The following TRIM26 variants were observed in gnomAD, a reference collection of about 807,000 sequenced individuals.
TRIM26 encodes tripartite motif containing 26.
In TRIM26, 16 loss-of-function variants were observed where a neutral mutation model predicts 45.5. The ratio of observed to expected loss-of-function variants is 0.35; its 90% CI spans 0.24 to 0.53. The LOEUF (loss-of-function observed/expected upper bound fraction) is 0.53. TRIM26 is among the 20% of genes least tolerant of loss of function. TRIM26 has a pLI of 0.92. For synonymous variants in TRIM26, 273 were observed against 290.4 expected, an observed-to-expected ratio of 0.94 and a Z score of 0.61; for missense variants, 442 against 691.1, an observed-to-expected ratio of 0.64 and a Z score of 4.04.
intron 2 of TRIM26, among the ~76,000 whole-genome samples, chr6:30,203,625 C>T (rs112971677): frequency 0.014 from 2,199 of 152,068 alleles, 49 homozygotes; most frequent in African/African-American, 0.049. Flanking sequence ...CCAGGTTGGC[C>T]AGGCTGGTCT....
rs142350955 is a variant in TRIM26 at position 30,206,405 on chromosome 6, G to T, written c.-375-1640C>A. Among the ~76,000 whole-genome samples the T allele has an allele frequency of 2.3e-3, 352 of 152,354 alleles. 2 individuals are homozygous for T. Among genetic ancestry groups the T allele is most frequent in the African/African-American group, 6.9e-3 (288 of 41,578 alleles). Reference sequence around the variant, plus strand: ...AGTGCAGGCCACAAAAACTACCAGGGCTCTGAACGCTAGAAATCCCCACAG... The same window carrying T: ...AGTGCAGGCCACAAAAACTACCAGGTCTCTGAACGCTAGAAATCCCCACAG... On this transcript the variant is annotated intron_variant, in intron 1 of 9. Coordinates refer to ENST00000454678, the MANE Select transcript of TRIM26 (RefSeq NM_003449.5).
At chr6:30,194,738 C>T (rs1413587939) in intron 6 of TRIM26, among the ~76,000 whole-genome samples, 1 of 152,006 alleles carries the variant, frequency 6.6e-6, no homozygotes, top group African/African-American at 2.4e-5. Context: ...GCCTGTAATC[C>T]CAGCTATTTG....
In TRIM26 at chr6:30,186,865, G is replaced by T. The variant is rs1199529826; in HGVS notation, c.938-307C>A. The T allele has an allele frequency of 6.1e-6, 5 of 821,204 alleles. No homozygotes were observed. Among genetic ancestry groups the T allele is most frequent in the African/African-American group, 3.4e-5 (2 of 58,514 alleles). 50.9% of individuals were successfully genotyped at this position (821,204 alleles called of 1,614,324 possible). A position where few individuals can be genotyped will look rare whatever the true frequency, so the allele number is the denominator to read the frequency against. On this transcript the variant is annotated intron_variant, in intron 9 of 9. Transcript: ENST00000454678. The surrounding 1 kb of genome is among the most constrained non-coding windows in gnomAD (Gnocchi z 7.4). ...AGCTTCCTCTATCTCTGGATCTCTG[G>T]GTCCAACTCATCATTAATATCATCC...
At chr6:30,188,426 C>A in intron 9 of TRIM26, 1 of 282,586 alleles carries the variant, frequency 3.5e-6, no homozygotes, top group Non-Finnish European at 7.2e-6. Context: ...TCCTCACCAT[C>A]ATCCTCATAG....
At position 30,189,042 on chromosome 6, in the gene TRIM26, T is replaced by A; in HGVS notation, c.937+125A>T. On this transcript the variant is annotated intron_variant, in intron 9 of 9. Coordinates refer to ENST00000454678, the MANE Select transcript of TRIM26 (RefSeq NM_003449.5). The surrounding 1 kb of genome is among the most constrained non-coding windows in gnomAD (Gnocchi z 5.0). ...CAAAGAGGGAGGGGGGCTTCTATTG[T>A]GCAGCTGGGAAATTCTTCCTGTTGC... The A allele has an allele frequency of 9.5e-7, 1 of 1,053,632 alleles. No individual in the cohort carries two copies. The highest frequency in any genetic ancestry group is 1.4e-6 in the Non-Finnish European group (1 of 713,212). The allele number at this position is 1,053,632 out of a possible 1,614,324, so 65.3% of individuals were successfully genotyped here.
At position 30,186,709 on chromosome 6, in the gene TRIM26, T is replaced by A; in HGVS notation, c.938-151A>T. 9.0e-7 allele frequency: 1 copy of A among 1,115,972 alleles called. No individual in the cohort carries two copies. The highest frequency in any genetic ancestry group is 1.2e-6 in the Non-Finnish European group (1 of 805,620). 69.1% of individuals were successfully genotyped at this position (1,115,972 alleles called of 1,614,324 possible). ...ATAACTCAACATCCTTAATTTGGTA[T>A]AAGTGTGACACATTTTCTGGCTTTG... On this transcript the variant is annotated intron_variant, in intron 9 of 9. Transcript: ENST00000454678. The surrounding 1 kb of genome is among the most constrained non-coding windows in gnomAD (Gnocchi z 7.4).
At chr6:30,211,181 T>C (rs1203287240) in intron 1 of TRIM26, among the ~76,000 whole-genome samples, 1 of 152,162 alleles carries the variant, frequency 6.6e-6, no homozygotes, top group Non-Finnish European at 1.5e-5. Flanking sequence ...ATTAAAATTC[T>C]GCTTCAGCAG....
At position 30,186,185 on chromosome 6, in the gene TRIM26, G is replaced by A. The variant is rs745636753; in HGVS notation, c.1311C>T (p.Cys437=). 2 of 1,597,990 alleles carry A rather than the reference G, an allele frequency of 1.3e-6. No homozygotes were observed. The highest frequency in any genetic ancestry group is 3.4e-5 in the Admixed American group (2 of 58,288). ...CAGAGTCTCTAGCCACCCCCACCAT[G>A]CAGCTTTCCAGAACTTCCTCCTCTT... ...EEEEEEVLES[C]MVGVARDSVK... The change falls in exon 10 of 10, where the codon TGC becomes TGT. Residue 437 remains cysteine (C), a synonymous_variant. Coordinates refer to ENST00000454678, the MANE Select transcript of TRIM26 (RefSeq NM_003449.5). The surrounding 1 kb of genome is among the most constrained non-coding windows in gnomAD (Gnocchi z 7.4).
At chr6:30,205,922 A>G (rs1777683607) in intron 1 of TRIM26, among the ~76,000 whole-genome samples, 1 of 152,044 alleles carries the variant, frequency 6.6e-6, no homozygotes, top group South Asian at 2.1e-4. Context: ...AAGTAAATGG[A>G]GAGGCCTGGG....
In TRIM26 at chr6:30,198,242, C is replaced by G. The variant is rs1239188290; in HGVS notation, c.534+187G>C. Among the ~76,000 whole-genome samples, 1 of 152,208 alleles carries G rather than the reference C, an allele frequency of 6.6e-6. No homozygotes were observed. The highest frequency in any genetic ancestry group is 1.5e-5 in the Non-Finnish European group (1 of 68,048). On this transcript the variant is annotated intron_variant, in intron 5 of 9. Coordinates refer to ENST00000454678, the MANE Select transcript of TRIM26 (RefSeq NM_003449.5). The surrounding 1 kb of genome is among the most constrained non-coding windows in gnomAD (Gnocchi z 6.3). ...ACTTGTCTCTCAGACAAGAAACAGGCCCAAGACTACACGGCTCAGAAAGAC... is the reference window on the plus strand; with the variant it reads ...ACTTGTCTCTCAGACAAGAAACAGGGCCAAGACTACACGGCTCAGAAAGAC...
At chr6:30,205,971 CTT>C (rs944924822) in intron 1 of TRIM26, among the ~76,000 whole-genome samples, 2 of 152,318 alleles carry the variant, frequency 1.3e-5, no homozygotes, top group Non-Finnish European at 2.9e-5. Context: ...TCAGGCCTCT[CTT>C]GAGTATCCCA....
chr6:30,203,798 CTTT>C (rs35154638), intron 2 of TRIM26, among the ~76,000 whole-genome samples: 5 of 144,432 alleles, frequency 3.5e-5, no homozygotes, highest in Admixed American at 6.8e-5. Flanking sequence ...TGGTTCCTTT[CTTT>C]TTTTTTTTTT....
Position 30,190,061 on chromosome 6 carries a change from G to C in TRIM26, c.766-26C>G. On this transcript the variant is annotated intron_variant, in intron 6 of 9. Transcript: ENST00000454678. The surrounding 1 kb of genome is among the most constrained non-coding windows in gnomAD (Gnocchi z 4.3). ...CTAGAAGGGAAAGAAAAAAGCACAA[G>C]TATCAATATGAATCAAATAAGACTT... 1.2e-6 allele frequency: 2 copies of C among 1,612,368 alleles called. No individual in the cohort carries two copies. Among genetic ancestry groups the C allele is most frequent in the South Asian group, 1.1e-5 (1 of 91,058 alleles).
In TRIM26 at chr6:30,199,289, G is replaced by A. The variant is rs112032690; in HGVS notation, c.-161-25C>T. ...CCTACAAGGTTCACACAATGTCAAC[G>A]AGAAGAGGACCTTATAGATCTAGTC... On this transcript the variant is annotated intron_variant, in intron 3 of 9. Transcript: ENST00000454678. 1,052 of 537,028 alleles carry A rather than the reference G, an allele frequency of 2.0e-3. 7 individuals are homozygous for A. The highest frequency in any genetic ancestry group is 0.012 in the African/African-American group (620 of 53,096). The allele number at this position is 537,028 out of a possible 1,614,324, so 33.3% of individuals were successfully genotyped here.
rs902685991 is a variant in TRIM26 at position 30,189,374 on chromosome 6, G to A, written c.904+44C>T. On this transcript the variant is annotated intron_variant, in intron 8 of 9. Coordinates refer to ENST00000454678, the MANE Select transcript of TRIM26 (RefSeq NM_003449.5). The surrounding 1 kb of genome is among the most constrained non-coding windows in gnomAD (Gnocchi z 5.0). ...CTGGGTGCGCTCTTTCTACGAGGTAGCCCTGCTCTGACTCCCACCCTTTGT... is the reference window on the plus strand; with the variant it reads ...CTGGGTGCGCTCTTTCTACGAGGTAACCCTGCTCTGACTCCCACCCTTTGT... The A allele has an allele frequency of 3.8e-6, 6 of 1,596,656 alleles. No individual in the cohort carries two copies. The African/African-American group carries it at 6.7e-5, about 18-fold the overall frequency.
intron 9 of TRIM26, chr6:30,187,458 G>GGTACAAATGCATGAAATT: frequency 1.9e-6 from 1 of 514,944 alleles, no homozygotes; most frequent in Middle Eastern, 7.0e-4. Context: ...TCCCAGAAAG[G>GGTACAAATGCATGAAATT]GTACAAATGC....
intron 6 of TRIM26, among the ~76,000 whole-genome samples, chr6:30,193,182 A>ATATATATATATATTTT (rs9280916): frequency 2.6e-5 from 1 of 38,820 alleles, no homozygotes; most frequent in African/African-American, 1.2e-4. Flanking sequence ...ATATATATAT[A>ATATATATATATATTTT]TTTTTTTTTT....
Position 30,186,224 on chromosome 6 carries a change from T to C in TRIM26, c.1272A>G (p.Glu424=). ...EDEESLGDEE[E]EEEEEEEEVL... is the part of the protein sequence containing the mutation. ...CTTCCTCCTCTTCCTCCTCCTCTTC[T>C]TCCTCTTCATCGCCCAACGATTCCT... Residue 424 remains glutamate, a synonymous_variant, in exon 10 of 10, where the codon GAA becomes GAG. Transcript: ENST00000454678. The surrounding 1 kb of genome is among the most constrained non-coding windows in gnomAD (Gnocchi z 7.4). The C allele has an allele frequency of 6.3e-7, 1 of 1,598,152 alleles. No individual in the cohort carries two copies. The highest frequency in any genetic ancestry group is 8.5e-7 in the Non-Finnish European group (1 of 1,171,986).
rs1042158864 is a variant in TRIM26, at chr6:30,189,589, T to C, written c.789-56A>G. 5.7e-6 allele frequency: 8 copies of C among 1,394,948 alleles called. No homozygotes were observed. Among genetic ancestry groups the C allele is most frequent in the Non-Finnish European group, 7.1e-6 (7 of 985,034 alleles). 86.4% of individuals were successfully genotyped at this position (1,394,948 alleles called of 1,614,324 possible). Reference sequence around the variant, plus strand: ...ACTCAGCTCTTCTTACTTTCCTTCATACTTATCTCTCAATCCTCATGGCAA... The same window carrying C: ...ACTCAGCTCTTCTTACTTTCCTTCACACTTATCTCTCAATCCTCATGGCAA... On this transcript the variant is annotated intron_variant, in intron 7 of 9. Coordinates refer to ENST00000454678, the MANE Select transcript of TRIM26 (RefSeq NM_003449.5). The surrounding 1 kb of genome is among the most constrained non-coding windows in gnomAD (Gnocchi z 5.0).
Sources: gnomAD v4.1 joint callset for allele counts (sites outside exome capture counted in the v4.1 genomes callset) on GRCh38, gnomAD v4.1.1 for gene constraint, Gnocchi (gnomAD v3.1) non-coding constraint, MANE v1.5 for transcripts, NCBI Gene and HGNC (gene_info 2026-07-23, HGNC 2026-07-21) for gene names.